IK: variants seen among roughly 807,000 people sequenced by gnomAD.
IK encodes the protein IK cytokine.
Under a neutral mutation model 90.9 loss-of-function variants are expected in IK, and 47 were observed. That is an observed-to-expected ratio of 0.52 (90% CI 0.41 to 0.66). The LOEUF is 0.66. Ranked by LOEUF, IK falls within the 30% of genes least tolerant of loss-of-function variation. IK has a pLI of 0.00. For missense variants in IK, 385 were observed against 709.3 expected (o/e 0.54, Z 5.19); for synonymous variants, 201 against 227.5 (o/e 0.88, Z 1.05).
intron 1 of IK, 150 bp downstream of exon 1, chr5:140,648,074 G>A (rs1258813154): frequency 1.1e-6 from 1 of 916,248 alleles, no homozygotes; most frequent in Non-Finnish European, 1.8e-6. Flanking sequence ...CTTGAGCCCG[G>A]AGAAGCCACA....
chr5:140,653,717 G>A (rs1205269160), intron 5 of IK, among the ~76,000 whole-genome samples: 3 of 149,444 alleles, frequency 2.0e-5, no homozygotes, highest in African/African-American at 7.4e-5. Flanking sequence ...CGATTCTCTT[G>A]CCTCAGCCTC....
intron 2 of IK, among the ~76,000 whole-genome samples, chr5:140,651,208 T>G (rs1246439160): frequency 6.6e-6 from 1 of 152,074 alleles, no homozygotes; most frequent in Non-Finnish European, 1.5e-5. Flanking sequence ...TCCCAGCACT[T>G]TGGGAGGCTG....
In IK at chr5:140,662,099, T is replaced by A. The variant is rs1057509783; in HGVS notation, c.1612-80T>A. 317 of 1,593,630 alleles carry A rather than the reference T, an allele frequency of 2.0e-4. 2 individuals are homozygous for A. In the Middle Eastern group the frequency reaches 2.5e-3, roughly 12 times the overall value. On this transcript the variant is annotated intron_variant, in intron 18 of 19. Coordinates refer to ENST00000417647, the MANE Select transcript of IK (RefSeq NM_006083.4). ...GAACAGGCAAGGGGCTGGAGAGCCATGGAAATGAGAGGTCAGCCTTGGGCC... is the reference window on the plus strand; with the variant it reads ...GAACAGGCAAGGGGCTGGAGAGCCAAGGAAATGAGAGGTCAGCCTTGGGCC...
chr5:140,657,936 G>T (rs556384749), intron 10 of IK, among the ~76,000 whole-genome samples: 1 of 152,312 alleles, frequency 6.6e-6, no homozygotes, highest in East Asian at 1.9e-4. Flanking sequence ...ATTTTTTGGT[G>T]AAAACCAGAA....
Position 140,658,991 on chromosome 5 carries a change from G to A in IK, c.1003G>A (p.Asp335Asn), listed in dbSNP as rs1361240998. Residue 335 changes from aspartate (D) to asparagine (N), a missense_variant, in exon 12 of 20, where the codon GAC (aspartate) becomes AAC (asparagine). By Grantham distance (23) the Asp-to-Asn change is conservative. This residue lies in a region of IK where 139 missense variants were observed against 172.0 expected (regional missense o/e 0.81). Coordinates refer to ENST00000417647, the MANE Select transcript of IK (RefSeq NM_006083.4). Reference sequence around the variant, plus strand: ...ACCCTCCACAACCAAGACACCTCGGGACAAGGAGCGGGAGAGATATCGGGA... The same window carrying A: ...ACCCTCCACAACCAAGACACCTCGGAACAAGGAGCGGGAGAGATATCGGGA... Reference protein sequence around the residue: ...YVPSTTKTPRDKERERYRERE... With the variant: ...YVPSTTKTPRNKERERYRERE... 6.2e-7 allele frequency: 1 copy of A among 1,613,786 alleles called. No individual in the cohort carries two copies. The highest frequency in any genetic ancestry group is 1.7e-5 in the Admixed American group (1 of 60,002).
rs570995368 is a variant in IK at position 140,648,384 on chromosome 5, T to C, written c.17-87T>C. The C allele has an allele frequency of 1.7e-4, 195 of 1,155,712 alleles. 1 individual carries two copies. In the African/African-American group the frequency reaches 2.4e-3, roughly 14 times the overall value. The allele number at this position is 1,155,712 out of a possible 1,614,324, so 71.6% of individuals were successfully genotyped here. A position where few individuals can be genotyped will look rare whatever the true frequency, so the allele number is the denominator to read the frequency against. On this transcript the variant is annotated intron_variant, in intron 1 of 19. Transcript: ENST00000417647. The stretch of plus-strand genomic sequence containing the variant: ...ACTGTCGCTGTTCTAACTTTTGTTC[T>C]GTATTGTTCACTACTATATCTCAAA...
chr5:140,659,947 A>T, intron 14 of IK, 113 bp downstream of exon 14: 2 of 953,722 alleles, frequency 2.1e-6, no homozygotes, highest in South Asian at 1.4e-5. Flanking sequence ...TTTTACGCTG[A>T]ATTTTGACAG....
At chr5:140,653,602 AC>A (rs1261636379) in intron 5 of IK, among the ~76,000 whole-genome samples, 42 of 47,128 alleles carry the variant, frequency 8.9e-4, no homozygotes, top group Non-Finnish European at 1.5e-3. Flanking sequence ...CCTTTCCCCC[AC>A]CCCCTTTTTT....
At position 140,659,764 on chromosome 5, in the gene IK, T is replaced by C; in HGVS notation, c.1204T>C (p.Ser402Pro). ...EPMDVDKGPGSTKELIKSINE... is the reference protein window; with the variant it reads ...EPMDVDKGPGPTKELIKSINE... ...GTTCTCTTTTCTCCTAGGACCTGGG[T>C]CTACCAAGGAGTTGATCAAGTCCAT... The change falls in exon 14 of 20, where the codon TCT becomes CCT. Residue 402 changes from serine to proline, a missense_variant. Ser to Pro is a moderately conservative substitution (Grantham distance 74, BLOSUM62 -1). Coordinates refer to ENST00000417647, the MANE Select transcript of IK (RefSeq NM_006083.4). 1 of 1,592,918 alleles carries C rather than the reference T, an allele frequency of 6.3e-7. No homozygotes were observed. Among genetic ancestry groups the C allele is most frequent in the Non-Finnish European group, 8.6e-7 (1 of 1,168,764 alleles).
rs1277398791 is a variant in IK at position 140,661,568 on chromosome 5, A to G, written c.1414-52A>G. On this transcript the variant is annotated intron_variant, in intron 16 of 19. Coordinates refer to ENST00000417647, the MANE Select transcript of IK (RefSeq NM_006083.4). The surrounding 1 kb of genome is among the most constrained non-coding windows in gnomAD (Gnocchi z 4.2). The stretch of plus-strand genomic sequence containing the variant: ...GGCTTCAATCAAGGGCTGAAATTCC[A>G]TTTCCACTGACATCTCTTCCTTCCC... 1 of 1,299,594 alleles carries G rather than the reference A, an allele frequency of 7.7e-7. No homozygotes were observed. The highest frequency in any genetic ancestry group is 1.1e-6 in the Non-Finnish European group (1 of 920,262). The allele number at this position is 1,299,594 out of a possible 1,614,324, so 80.5% of individuals were successfully genotyped here. A position where few individuals can be genotyped will look rare whatever the true frequency, so the allele number is the denominator to read the frequency against.
intron 14 of IK, 58 bp from the exon 15 acceptor site, chr5:140,660,057 C>A: frequency 6.7e-7 from 1 of 1,498,824 alleles, no homozygotes; most frequent in Non-Finnish European, 9.2e-7. Context: ...CCCCTCCTGG[C>A]TGAAGCTTTA....
At chr5:140,658,422 A>G (rs535829121) in intron 10 of IK, among the ~76,000 whole-genome samples, 3 of 152,156 alleles carry the variant, frequency 2.0e-5, no homozygotes, top group East Asian at 3.9e-4. Context: ...GGTTTAAGCA[A>G]TTCTCTTGCC....
At chr5:140,655,297 G>T (rs368782109) in intron 8 of IK, among the ~76,000 whole-genome samples, 2 of 152,302 alleles carry the variant, frequency 1.3e-5, no homozygotes, top group East Asian at 3.9e-4. Flanking sequence ...CCTTGATGAT[G>T]AAACAGCACT....
Position 140,662,299 on chromosome 5 carries a change from C to G in IK, c.1647-3C>G. On this transcript the variant is annotated splice_region_variant and splice_polypyrimidine_tract_variant and intron_variant, in intron 19 of 19. Coordinates refer to ENST00000417647, the MANE Select transcript of IK (RefSeq NM_006083.4). Reference sequence around the variant, plus strand: ...TACTGACCCATTTCTCCTTCCATTGCAGGGTTGAAGTCAAAAGACCAAAAT... The same window carrying G: ...TACTGACCCATTTCTCCTTCCATTGGAGGGTTGAAGTCAAAAGACCAAAAT... 1 of 1,613,958 alleles carries G rather than the reference C, an allele frequency of 6.2e-7. No homozygotes were observed. Among genetic ancestry groups the G allele is most frequent in the South Asian group, 1.1e-5 (1 of 91,082 alleles).
rs1757531540 is a variant in IK, at chr5:140,648,336, A to G, written c.17-135A>G. ...ACAGCTTCTTGTAGTTTCCTATTTC[A>G]GCACTTATTACATTGTGTTGACACT... On this transcript the variant is annotated intron_variant, in intron 1 of 19. Transcript: ENST00000417647. 1.2e-5 allele frequency: 10 copies of G among 824,308 alleles called. 1 individual carries two copies. The South Asian group carries it at 1.2e-4, about 10-fold the overall frequency. The allele number at this position is 824,308 out of a possible 1,614,324, so 51.1% of individuals were successfully genotyped here.
chr5:140,662,419 T>A lies in IK; in HGVS notation c.*90T>A. 1 of 1,349,714 alleles carries A rather than the reference T, an allele frequency of 7.4e-7. No homozygotes were observed. The highest frequency in any genetic ancestry group is 1.1e-6 in the Non-Finnish European group (1 of 947,010). The allele number at this position is 1,349,714 out of a possible 1,614,324, so 83.6% of individuals were successfully genotyped here. On this transcript the variant is annotated 3_prime_UTR_variant, in exon 20 of 20. Coordinates refer to ENST00000417647, the MANE Select transcript of IK (RefSeq NM_006083.4). ...CCAAAGGTTGCAAGATGTTTTTTTG[T>A]GGATGAATATAAAATTTTATTGTGT...
intron 9 of IK, among the ~76,000 whole-genome samples, chr5:140,656,425 TC>T (rs1469461778): frequency 6.6e-6 from 1 of 152,216 alleles, no homozygotes; most frequent in Admixed American, 6.5e-5. Flanking sequence ...CCTCAAGTGA[TC>T]CATCCGCCTT....
At chr5:140,654,842 T>G in intron 8 of IK, 115 bp downstream of exon 8, 1 of 758,766 alleles carries the variant, frequency 1.3e-6, no homozygotes, top group Non-Finnish European at 2.2e-6. Flanking sequence ...CTTTCTTTCT[T>G]TTTGAGACAG....
At position 140,655,968 on chromosome 5, in the gene IK, C is replaced by A. The variant is rs1188182029; in HGVS notation, c.777C>A (p.Ser259Arg). 3 of 1,553,474 alleles carry A rather than the reference C, an allele frequency of 1.9e-6. No homozygotes were observed. Among genetic ancestry groups the A allele is most frequent in the African/African-American group, 2.7e-5 (2 of 73,222 alleles). Residue 259 changes from serine to arginine, a missense_variant, in exon 9 of 20, where the codon AGC (serine) becomes AGA (arginine). Physicochemically the swap from Ser to Arg is moderately radical, Grantham distance 110. This residue lies in a region of IK where 33 missense variants were observed against 86.1 expected (regional missense o/e 0.38). Transcript: ENST00000417647. The stretch of plus-strand genomic sequence containing the variant: ...ATATCCCCACCACTCTTATCCGCAG[C>A]AAGGCTGATTGCCCCACCATGGAGG... ...DTDIPTTLIR[S>R]KADCPTMEAQ...
Sources: allele counts gnomAD v4.1 joint callset (sites outside exome capture counted in the v4.1 genomes callset), GRCh38; gene constraint gnomAD v4.1.1; regional missense constraint gnomAD v4.1.1; non-coding constraint Gnocchi (gnomAD v3.1); transcripts MANE v1.5; gene names NCBI Gene and HGNC (gene_info 2026-07-23, HGNC 2026-07-21).